The following TRIM55 variants were observed in gnomAD, a reference collection of about 807,000 sequenced individuals.
TRIM55 encodes the protein tripartite motif-containing protein 55.
Under a neutral mutation model 60.9 loss-of-function variants are expected in TRIM55, and 50 were observed. The ratio of observed to expected loss-of-function variants is 0.82; its 90% CI spans 0.65 to 1.04. TRIM55 has a LOEUF of 1.04. Among genes scored for constraint, TRIM55 ranks in the 50% least tolerant of loss-of-function variants. The pLI is 0.00. For synonymous variants in TRIM55, 237 were observed against 238.1 expected (o/e 1.00, Z 0.04); for missense variants, 681 against 666.9 (o/e 1.02, Z -0.23).
In TRIM55 at chr8:66,149,970, T is replaced by A. The variant is rs57873841; in HGVS notation, c.837+92T>A. 5.3e-3 allele frequency: 5,799 copies of A among 1,088,360 alleles called. 219 individuals are homozygous for A. The African/African-American group carries it at 0.081, about 15-fold the overall frequency. The allele number at this position is 1,088,360 out of a possible 1,614,324, so 67.4% of individuals were successfully genotyped here. On this transcript the variant is annotated intron_variant, in intron 5 of 9. Coordinates refer to ENST00000315962, the MANE Select transcript of TRIM55 (RefSeq NM_184085.2). ...TTTTATTATTTTATGTACATTTCAG[T>A]TTTTATTTATTTTACCAACTAAAAT...
Position 66,137,081 on chromosome 8 carries a change from T to G in TRIM55, c.508-14T>G. 2 of 1,612,008 alleles carry G rather than the reference T, an allele frequency of 1.2e-6. No individual in the cohort carries two copies. The highest frequency in any genetic ancestry group is 1.7e-6 in the Non-Finnish European group (2 of 1,178,440). ...AACCCCTAAGATATTGGGTTCATGT[T>G]TTCTCTTCATTAGTCTGAGCTCAGT... is the stretch of plus-strand genomic sequence containing the variant. On this transcript the variant is annotated splice_polypyrimidine_tract_variant and intron_variant, in intron 3 of 9. Transcript: ENST00000315962.
chr8:66,152,196 C>T (rs1050609336), intron 7 of TRIM55, 181 bp from the exon 8 acceptor site: 6 of 742,978 alleles, frequency 8.1e-6, no homozygotes, highest in Non-Finnish European at 1.3e-5. Context: ...CACATTTGTC[C>T]AGTCCACATT....
chr8:66,140,992 G>C (rs2128976749), intron 4 of TRIM55, among the ~76,000 whole-genome samples: 1 of 152,204 alleles, frequency 6.6e-6, no homozygotes, highest in Non-Finnish European at 1.5e-5. Context: ...TCCCCGCCTG[G>C]GGCACTGACA....
chr8:66,150,272 A>C, intron 6 of TRIM55, 33 bp downstream of exon 6: 1 of 1,613,092 alleles, frequency 6.2e-7, no homozygotes, highest in Non-Finnish European at 8.5e-7. Flanking sequence ...AAAAATGCAT[A>C]TTTTCACCTT....
chr8:66,126,045 A>G (rs180916624), upstream of TRIM55, among the ~76,000 whole-genome samples: 4 of 152,368 alleles, frequency 2.6e-5, no homozygotes, highest in Non-Finnish European at 4.4e-5. Context: ...ATCGATGTTT[A>G]TGACTCAAGA....
intron 4 of TRIM55, among the ~76,000 whole-genome samples, chr8:66,141,086 C>T (rs1306610034): frequency 6.6e-6 from 1 of 152,152 alleles, no homozygotes; most frequent in Middle Eastern, 3.2e-3. Context: ...ACAGGACTGG[C>T]CTGGGGAGGC....
At chr8:66,144,425 C>G (rs1211223238) in intron 4 of TRIM55, among the ~76,000 whole-genome samples, 1 of 152,104 alleles carries the variant, frequency 6.6e-6, no homozygotes, top group Non-Finnish European at 1.5e-5. Flanking sequence ...TCCCAAGAAG[C>G]CAAGAAATAT....
Position 66,128,296 on chromosome 8 carries a change from A to G in TRIM55, c.169-8A>G. On this transcript the variant is annotated splice_polypyrimidine_tract_variant and splice_region_variant and intron_variant, in intron 1 of 9. Transcript: ENST00000315962. ...CCCAATTCCTTTTTTCTTACTTGGCAAGAACAGGCCTCTAACCCGTATTTG... is the reference window on the plus strand; with the variant it reads ...CCCAATTCCTTTTTTCTTACTTGGCGAGAACAGGCCTCTAACCCGTATTTG... 6.4e-7 allele frequency: 1 copy of G among 1,570,976 alleles called. No individual in the cohort carries two copies. The highest frequency in any genetic ancestry group is 1.2e-5 in the South Asian group (1 of 86,080).
chr8:66,171,731 A>G (rs570158268), intron 9 of TRIM55, among the ~76,000 whole-genome samples: 1 of 152,338 alleles, frequency 6.6e-6, no homozygotes, highest in East Asian at 1.9e-4. Flanking sequence ...CCATCTCGGG[A>G]AGGCTGTAGG....
intron 9 of TRIM55, among the ~76,000 whole-genome samples, chr8:66,160,916 T>C (rs907911382): frequency 1.3e-5 from 2 of 151,944 alleles, no homozygotes; most frequent in South Asian, 4.1e-4. Flanking sequence ...AGATTCTGGA[T>C]ATTAGTCCTT....
chr8:66,130,663 T>TC (rs1286735132), intron 2 of TRIM55, among the ~76,000 whole-genome samples: 2 of 115,786 alleles, frequency 1.7e-5, no homozygotes, highest in Non-Finnish European at 3.6e-5. Context: ...AGCATTCTTT[T>TC]TTTTTTTTTT....
In TRIM55 at chr8:66,154,340, T is replaced by C. The variant is rs1258938062; in HGVS notation, c.1524+6T>C. 1 of 1,613,202 alleles carries C rather than the reference T, an allele frequency of 6.2e-7. No homozygotes were observed. The highest frequency in any genetic ancestry group is 8.5e-7 in the Non-Finnish European group (1 of 1,179,398). On this transcript the variant is annotated splice_donor_region_variant and intron_variant, in intron 9 of 9. Transcript: ENST00000315962. Reference sequence around the variant, plus strand: ...CACCTGCAGCTACTTCTCAGGTTAGTGATGATGCACTTGTGTCTATGCTTT... The same window carrying C: ...CACCTGCAGCTACTTCTCAGGTTAGCGATGATGCACTTGTGTCTATGCTTT...
In TRIM55 at chr8:66,175,478, T is replaced by C. The variant is rs1049117284; in HGVS notation, c.*885T>C. Reference sequence around the variant, plus strand: ...ATATGAACTCTTAAATAAATGATGTTTTTAAAAGCTTCGTCTTATAATGAT... The same window carrying C: ...ATATGAACTCTTAAATAAATGATGTCTTTAAAAGCTTCGTCTTATAATGAT... On this transcript the variant is annotated 3_prime_UTR_variant, in exon 10 of 10. Transcript: ENST00000315962. The C allele has an allele frequency of 2.6e-5, 4 of 152,220 alleles. No homozygotes were observed. The highest frequency in any genetic ancestry group is 9.6e-5 in the African/African-American group (4 of 41,460). The allele number at this position is 152,220 out of a possible 1,614,324, so 9.4% of individuals were successfully genotyped here. A position where few individuals can be genotyped will look rare whatever the true frequency, so the allele number is the denominator to read the frequency against.
At chr8:66,148,285 T>C (rs1030755578) in intron 4 of TRIM55, among the ~76,000 whole-genome samples, 1 of 152,220 alleles carries the variant, frequency 6.6e-6, no homozygotes, top group African/African-American at 2.4e-5. Context: ...GTACTGGAGA[T>C]ACTTCAGCCA....
intron 9 of TRIM55, 115 bp from the exon 10 acceptor site, chr8:66,174,353 GTTA>G: frequency 1.4e-6 from 1 of 738,834 alleles, no homozygotes; most frequent in Admixed American, 4.2e-5. Flanking sequence ...TAATAATATT[GTTA>G]TTATAATAAT....
chr8:66,170,536 T>C (rs1811566243), intron 9 of TRIM55, among the ~76,000 whole-genome samples: 1 of 152,198 alleles, frequency 6.6e-6, no homozygotes, highest in Non-Finnish European at 1.5e-5. Context: ...TTTCTACCTC[T>C]TGGCTATTGT....
chr8:66,123,187 T>C (rs1808697357), upstream of TRIM55, among the ~76,000 whole-genome samples: 1 of 152,218 alleles, frequency 6.6e-6, no homozygotes, highest in Non-Finnish European at 1.5e-5. Context: ...CAACTGCCAA[T>C]CAGAAAATCT....
Position 66,154,327 on chromosome 8 carries a change from C to G in TRIM55, c.1517C>G (p.Thr506Ser). The change falls in exon 9 of 10, where the codon ACT becomes AGT. Residue 506 changes from threonine to serine, a missense_variant. Thr to Ser is a moderately conservative substitution (Grantham distance 58). Coordinates refer to ENST00000315962, the MANE Select transcript of TRIM55 (RefSeq NM_184085.2). Reference protein sequence around the residue: ...SGKETSAPAATSQIGFEAPPL... With the variant: ...SGKETSAPAASSQIGFEAPPL... ...AAGGAAACTAGTGCACCTGCAGCTACTTCTCAGGTTAGTGATGATGCACTT... is the reference window on the plus strand; with the variant it reads ...AAGGAAACTAGTGCACCTGCAGCTAGTTCTCAGGTTAGTGATGATGCACTT... The G allele has an allele frequency of 6.2e-7, 1 of 1,613,988 alleles. No homozygotes were observed. Among genetic ancestry groups the G allele is most frequent in the Non-Finnish European group, 8.5e-7 (1 of 1,179,910 alleles).
chr8:66,162,125 C>T (rs1382509767), intron 9 of TRIM55, among the ~76,000 whole-genome samples: 5 of 151,994 alleles, frequency 3.3e-5, no homozygotes, highest in African/African-American at 1.2e-4. Context: ...TTCAACTTCT[C>T]CCTGTTCAGT....
Sources: allele counts gnomAD v4.1 joint callset (sites outside exome capture counted in the v4.1 genomes callset), GRCh38; gene constraint gnomAD v4.1.1; transcripts MANE v1.5; gene names NCBI Gene and HGNC (gene_info 2026-07-23, HGNC 2026-07-21).